DTD1: variants seen among roughly 807,000 people sequenced by gnomAD.
DTD1 encodes D-tyrosyl-tRNA deacylase 1 homolog.
Under a neutral mutation model 25.6 loss-of-function variants are expected in DTD1, and 13 were observed. The observed-to-expected ratio is 0.51, with a 90% confidence interval of 0.33 to 0.81. DTD1 has a LOEUF of 0.81. DTD1 is among the 30% of genes least tolerant of loss of function. DTD1 has a pLI of 0.02. For synonymous variants in DTD1, 110 were observed against 103.6 expected, an observed-to-expected ratio of 1.06 and a Z score of -0.37; for missense variants, 193 against 266.4, an observed-to-expected ratio of 0.72 and a Z score of 1.92.
intron 4 of DTD1, among the ~76,000 whole-genome samples, chr20:18,691,674 C>T (rs554560539): frequency 2.2e-4 from 34 of 152,290 alleles, no homozygotes; most frequent in Non-Finnish European, 4.4e-4. Context: ...TGCTCATGAC[C>T]TGGGTGATGA....
chr20:18,737,475 A>G lies in DTD1; in HGVS notation c.478-6625A>G, dbSNP rs192542509. ...ATGCTAACTGCATTCTTAGGCCATCACCTGAGGGCTTGGTCCTGAGTGTCC... is the reference window on the plus strand; with the variant it reads ...ATGCTAACTGCATTCTTAGGCCATCGCCTGAGGGCTTGGTCCTGAGTGTCC... On this transcript the variant is annotated intron_variant, in intron 4 of 5. Coordinates refer to ENST00000377452, the MANE Select transcript of DTD1 (RefSeq NM_080820.6). Among the ~76,000 whole-genome samples, 354 of 152,274 alleles carry G rather than the reference A, an allele frequency of 2.3e-3. 3 individuals carry two copies. Among genetic ancestry groups the G allele is most frequent in the African/African-American group, 8.2e-3 (342 of 41,564 alleles).
At chr20:18,666,058 A>G (rs1173436988) in intron 4 of DTD1, among the ~76,000 whole-genome samples, 2 of 152,084 alleles carry the variant, frequency 1.3e-5, no homozygotes, top group Non-Finnish European at 2.9e-5. Flanking sequence ...CTAGTCTAGG[A>G]TCCTGTTTCA....
intron 3 of DTD1, among the ~76,000 whole-genome samples, chr20:18,612,800 A>G (rs2060692978): frequency 6.6e-6 from 1 of 151,996 alleles, no homozygotes; most frequent in South Asian, 2.1e-4. Context: ...CTGGAACTAT[A>G]GGCGCCTGCC....
intron 3 of DTD1, among the ~76,000 whole-genome samples, chr20:18,598,996 T>A (rs2060622957): frequency 6.6e-6 from 1 of 152,152 alleles, no homozygotes; most frequent in Non-Finnish European, 1.5e-5. Context: ...CTTAGTAGTA[T>A]GCATTTAACG....
intron 4 of DTD1, among the ~76,000 whole-genome samples, chr20:18,720,002 A>T (rs747822277): frequency 1.3e-5 from 2 of 152,238 alleles, no homozygotes; most frequent in African/African-American, 2.4e-5. Context: ...GAACAAACAG[A>T]TAATGATTTT....
At chr20:18,597,846 T>C (rs1002584698) in intron 3 of DTD1, among the ~76,000 whole-genome samples, 3 of 152,224 alleles carry the variant, frequency 2.0e-5, no homozygotes, top group African/African-American at 4.8e-5. Flanking sequence ...CATTCTATGA[T>C]ATATCAGTTG....
intron 5 of DTD1, 117 bp downstream of exon 5, chr20:18,744,388 C>T (rs996547607): frequency 2.7e-6 from 3 of 1,107,382 alleles, no homozygotes; most frequent in Non-Finnish European, 3.8e-6. Flanking sequence ...CCATAGCTTC[C>T]TTAAATCTGC....
chr20:18,728,263 G>T (rs1457924572), intron 4 of DTD1, among the ~76,000 whole-genome samples: 1 of 151,904 alleles, frequency 6.6e-6, no homozygotes, highest in African/African-American at 2.4e-5. Context: ...AGAGGGCGGG[G>T]CCATCACCCT....
At chr20:18,718,959 T>A (rs1299615171) in intron 4 of DTD1, among the ~76,000 whole-genome samples, 1 of 152,208 alleles carries the variant, frequency 6.6e-6, no homozygotes, top group African/African-American at 2.4e-5. Context: ...ACCTTTGTCC[T>A]TCCTTGGGGG....
chr20:18,673,838 A>G (rs911887292), intron 4 of DTD1, among the ~76,000 whole-genome samples: 1 of 152,212 alleles, frequency 6.6e-6, no homozygotes, highest in Non-Finnish European at 1.5e-5. Context: ...GGCCCACTAC[A>G]TAAAAATGAT....
chr20:18,611,837 T>C (rs2060687662), intron 3 of DTD1, among the ~76,000 whole-genome samples: 1 of 152,038 alleles, frequency 6.6e-6, no homozygotes, highest in Non-Finnish European at 1.5e-5. Context: ...TCCTCACGCA[T>C]GTTTTTTTAA....
chr20:18,717,893 A>G (rs1211150858), intron 4 of DTD1, among the ~76,000 whole-genome samples: 5 of 152,190 alleles, frequency 3.3e-5, no homozygotes. Context: ...ATTAGTTAGA[A>G]TTCTCCTCTA....
intron 3 of DTD1, among the ~76,000 whole-genome samples, chr20:18,611,861 G>A (rs1341739537): frequency 6.6e-6 from 1 of 151,856 alleles, no homozygotes; most frequent in African/African-American, 2.4e-5. Context: ...TATTATTATT[G>A]TTATTATTTT....
intron 4 of DTD1, among the ~76,000 whole-genome samples, chr20:18,724,045 G>C (rs535724673): frequency 6.6e-6 from 1 of 152,224 alleles, no homozygotes; most frequent in African/African-American, 2.4e-5. Flanking sequence ...AGGCGGAAAA[G>C]GGAATGTCCC....
At chr20:18,670,124 G>A (rs928519816) in intron 4 of DTD1, among the ~76,000 whole-genome samples, 3 of 152,192 alleles carry the variant, frequency 2.0e-5, no homozygotes, top group African/African-American at 7.2e-5. Flanking sequence ...TACTGCTGAT[G>A]TGTACAGCCG....
At chr20:18,638,287 G>C (rs2060815972) in intron 4 of DTD1, among the ~76,000 whole-genome samples, 1 of 152,124 alleles carries the variant, frequency 6.6e-6, no homozygotes, top group Non-Finnish European at 1.5e-5. Flanking sequence ...TTGGGTGCTT[G>C]CTCTGTGCTG....
chr20:18,635,786 C>T (rs1009311669), intron 4 of DTD1, among the ~76,000 whole-genome samples: 2 of 152,194 alleles, frequency 1.3e-5, no homozygotes, highest in African/African-American at 2.4e-5. Context: ...CTTTACAAGG[C>T]TGGCATGACT....
intron 4 of DTD1, among the ~76,000 whole-genome samples, chr20:18,677,988 T>G (rs897327715): frequency 6.6e-6 from 1 of 152,248 alleles, no homozygotes; most frequent in Non-Finnish European, 1.5e-5. Context: ...ACCTTGATTC[T>G]TTGGTTTCTT....
At chr20:18,665,934 AC>A (rs2060929914) in intron 4 of DTD1, among the ~76,000 whole-genome samples, 1 of 152,054 alleles carries the variant, frequency 6.6e-6, no homozygotes, top group Admixed American at 6.6e-5. Context: ...CCCCACTGTT[AC>A]CCCCACAACA....
Sources: gnomAD v4.1 joint callset for allele counts (sites outside exome capture counted in the v4.1 genomes callset) on GRCh38, gnomAD v4.1.1 for gene constraint, MANE v1.5 for transcripts, NCBI Gene and HGNC (gene_info 2026-07-23, HGNC 2026-07-21) for gene names.